Variants in SNTB1 observed in about 807,000 individuals in gnomAD.
SNTB1 encodes the protein syntrophin beta 1.
SNTB1 carries 36 observed loss-of-function variants against 48.9 expected under a neutral mutation model. The observed-to-expected ratio is 0.74, with a 90% CI of 0.56 to 0.97. The LOEUF (loss-of-function observed/expected upper bound fraction) is 0.97. Ranked by LOEUF, SNTB1 falls within the 50% of genes least tolerant of loss-of-function variation. The pLI, the probability that SNTB1 is intolerant of heterozygous loss-of-function variation, is 0.00. For missense variants in SNTB1, 786 were observed against 703.4 expected (o/e 1.12, Z -1.33); for synonymous variants, 299 against 294.6 (o/e 1.01, Z -0.15).
intron 1 of SNTB1, among the ~76,000 whole-genome samples, chr8:120,752,209 C>T (rs2130036618): frequency 6.6e-6 from 1 of 152,176 alleles, no homozygotes; most frequent in Non-Finnish European, 1.5e-5. Flanking sequence ...GATCAGGCAC[C>T]TTGGCTAAGT....
rs138634163 is a variant in SNTB1, at chr8:120,615,902, C to T, written c.996+16542G>A. 2.6e-3 allele frequency among the ~76,000 whole-genome samples: 398 copies of T among 151,940 alleles called. 4 individuals are homozygous for T. The highest frequency in any genetic ancestry group is 0.02 in the Admixed American group (301 of 15,250). ...TGTAGCTCTTTAAAAACTAACTGTT[C>T]TTCTCCCTTTATCTTTTCTTCTTTC... On this transcript the variant is annotated intron_variant, in intron 3 of 6. Coordinates refer to ENST00000517992, the MANE Select transcript of SNTB1 (RefSeq NM_021021.4).
intron 1 of SNTB1, among the ~76,000 whole-genome samples, chr8:120,728,462 T>G (rs1273205647): frequency 6.6e-6 from 1 of 152,128 alleles, no homozygotes; most frequent in African/African-American, 2.4e-5. Context: ...TACCCAACAG[T>G]TGATTTCTCA....
intron 1 of SNTB1, among the ~76,000 whole-genome samples, chr8:120,790,379 C>CT (rs1820007638): frequency 6.6e-6 from 1 of 151,882 alleles, no homozygotes; most frequent in African/African-American, 2.4e-5. Context: ...ACTGGAAATC[C>CT]TAGACAGAGC....
At chr8:120,662,440 T>C (rs1024064671) in intron 2 of SNTB1, among the ~76,000 whole-genome samples, 1 of 152,220 alleles carries the variant, frequency 6.6e-6, no homozygotes, top group Admixed American at 6.5e-5. Context: ...ACTTCATTAG[T>C]TCCTGTTTTT....
In SNTB1 at chr8:120,536,154, T is replaced by C. The variant is rs575826174; in HGVS notation, c.*2723A>G. The C allele has an allele frequency of 4.6e-5, 7 of 152,364 alleles. No individual in the cohort carries two copies. The highest frequency in any genetic ancestry group is 1.7e-4 in the African/African-American group (7 of 41,582). 9.4% of individuals were successfully genotyped at this position (152,364 alleles called of 1,614,324 possible). A position where few individuals can be genotyped will look rare whatever the true frequency, so the allele number is the denominator to read the frequency against. ...GAAAAACCAATATCTATATTCCTAT[T>C]GGCCTTCTTTAAATCCCTATGAGAT... On this transcript the variant is annotated 3_prime_UTR_variant, in exon 7 of 7. Transcript: ENST00000517992.
intron 1 of SNTB1, among the ~76,000 whole-genome samples, chr8:120,720,587 A>G (rs1818643001): frequency 6.6e-6 from 1 of 152,186 alleles, no homozygotes; most frequent in Non-Finnish European, 1.5e-5. Flanking sequence ...TCTATCCTAT[A>G]CTGACTTATG....
chr8:120,711,717 G>T (rs2129919561), intron 1 of SNTB1, among the ~76,000 whole-genome samples: 1 of 152,154 alleles, frequency 6.6e-6, no homozygotes, highest in South Asian at 2.1e-4. Context: ...AAGTCATGCA[G>T]GATTTCTGAT....
intron 5 of SNTB1, among the ~76,000 whole-genome samples, chr8:120,547,779 C>T (rs778283818): frequency 2.6e-5 from 4 of 152,116 alleles, no homozygotes; most frequent in Admixed American, 2.0e-4. Context: ...GTGGCCTGTG[C>T]TCACTCAGCA....
intron 1 of SNTB1, among the ~76,000 whole-genome samples, chr8:120,798,542 T>C (rs1820160199): frequency 3.9e-5 from 6 of 152,088 alleles, no homozygotes; most frequent in Admixed American, 2.6e-4. Context: ...ATCTCTGAAG[T>C]TGAGAAACCT....
In SNTB1 at chr8:120,538,509, G is replaced by A; in HGVS notation, c.*368C>T. 5.2e-6 allele frequency: 2 copies of A among 382,124 alleles called. No individual in the cohort carries two copies. The highest frequency in any genetic ancestry group is 3.9e-5 in the South Asian group (2 of 51,344). The allele number at this position is 382,124 out of a possible 1,614,324, so 23.7% of individuals were successfully genotyped here. ...TCCATTTCTCAACTATTCGGCCCTT[G>A]CGTACCTGGTGAACAAGTTGCCTAG... On this transcript the variant is annotated 3_prime_UTR_variant, in exon 7 of 7. Transcript: ENST00000517992.
At chr8:120,765,757 C>T (rs370941892) in intron 1 of SNTB1, 2 of 151,982 alleles carry the variant, frequency 1.3e-5, no homozygotes, top group South Asian at 4.1e-4. Flanking sequence ...TTACAAAACA[C>T]ATTTTTTTTC....
rs544375192 is a variant in SNTB1, at chr8:120,690,536, T to C, written c.788+3156A>G. Among the ~76,000 whole-genome samples the C allele has an allele frequency of 2.0e-5, 3 of 152,350 alleles. No homozygotes were observed. The East Asian group carries it at 5.8e-4, about 29-fold the overall frequency. On this transcript the variant is annotated intron_variant, in intron 2 of 6. Coordinates refer to ENST00000517992, the MANE Select transcript of SNTB1 (RefSeq NM_021021.4). ...CCTTCAACATAAATCAGTCCTTCCT[T>C]GTGCTACTTTATGGACATTTTACCT...
chr8:120,563,186 T>C (rs1815691192), intron 4 of SNTB1, among the ~76,000 whole-genome samples: 1 of 152,060 alleles, frequency 6.6e-6, no homozygotes, highest in Non-Finnish European at 1.5e-5. Flanking sequence ...ACTCCAGAAA[T>C]AATGTGACCT....
chr8:120,571,263 T>A (rs1815837176), intron 4 of SNTB1: 2 of 1,282,764 alleles, frequency 1.6e-6, no homozygotes, highest in Admixed American at 4.7e-5. Flanking sequence ...GGGTCCAACT[T>A]TGCTTCTTAG....
chr8:120,650,581 T>C (rs1338104133), intron 2 of SNTB1, among the ~76,000 whole-genome samples: 1 of 152,206 alleles, frequency 6.6e-6, no homozygotes, highest in Non-Finnish European at 1.5e-5. Flanking sequence ...TTGGTGTCCC[T>C]GAAGTCCTTC....
At chr8:120,696,005 A>G (rs2129870902) in intron 1 of SNTB1, among the ~76,000 whole-genome samples, 1 of 152,252 alleles carries the variant, frequency 6.6e-6, no homozygotes, top group East Asian at 1.9e-4. Context: ...AAATGCAGAA[A>G]TTTAGGGGGA....
At chr8:120,741,200 T>G (rs1357306266) in intron 1 of SNTB1, among the ~76,000 whole-genome samples, 1 of 152,226 alleles carries the variant, frequency 6.6e-6, no homozygotes, top group African/African-American at 2.4e-5. Context: ...CATGTCCAAA[T>G]TTACTAAGTC....
intron 1 of SNTB1, among the ~76,000 whole-genome samples, chr8:120,709,934 TA>T (rs1347499284): frequency 4.6e-5 from 7 of 151,836 alleles, no homozygotes; most frequent in Non-Finnish European, 1.0e-4. Context: ...AGGTATGCCA[TA>T]AATAGTAGTT....
chr8:120,562,526 C>T (rs577049759), intron 4 of SNTB1, among the ~76,000 whole-genome samples: 1 of 152,046 alleles, frequency 6.6e-6, no homozygotes, highest in South Asian at 2.1e-4. Flanking sequence ...GAAGGCAAAC[C>T]CCACACTTTT....
Sources: gnomAD v4.1 joint callset for allele counts (sites outside exome capture counted in the v4.1 genomes callset) on GRCh38, gnomAD v4.1.1 for gene constraint, MANE v1.5 for transcripts, NCBI Gene and HGNC (gene_info 2026-07-23, HGNC 2026-07-21) for gene names.